HELZ2: variants seen among roughly 807,000 people sequenced by gnomAD.
The protein encoded by HELZ2 is 3'-5' exoribonuclease HELZ2.
A neutral mutation model predicts 208.8 loss-of-function variants in HELZ2; 143 were observed. That is an observed-to-expected ratio of 0.68 (90% CI 0.60 to 0.79). The LOEUF (loss-of-function observed/expected upper bound fraction) is 0.79, where lower values mean the gene tolerates loss of function less well. Ranked by LOEUF, HELZ2 falls within the 30% of genes least tolerant of loss-of-function variation. HELZ2 has a pLI of 0.00. For missense variants in HELZ2, 3,690 were observed against 3,794.5 expected (o/e 0.97, Z 0.72); for synonymous variants, 1,705 against 1,693.7 (o/e 1.01, Z -0.16).
chr20:63,566,159 G>A (rs1470986334), exon 8 of HELZ2: 32 of 1,553,846 alleles, frequency 2.1e-5, no homozygotes, highest in Non-Finnish European at 2.4e-5. Context: ...GAACTCAGGG[G>A]CCAGTGCCCC....
upstream of HELZ2, chr20:63,572,569 C>T (rs1461481954): frequency 2.3e-5 from 14 of 618,088 alleles, no homozygotes; most frequent in Non-Finnish European, 3.3e-5. Flanking sequence ...AGGCTCCGTG[C>T]TCAGGGCACT....
In HELZ2 at chr20:63,569,569, C is replaced by T. The variant is rs2082998486; in HGVS notation, c.667G>A (p.Gly223Ser). Residue 223 changes from glycine (G) to serine (S), a missense_variant, in exon 4 of 19, where the codon GGT becomes AGT. Transcript: ENST00000467148. ...GAGCTGGGCACACGGAAGCGCTCAC[C>T]CCGTGCGTAGAGCCGGCCTGGCGGG... 4 of 1,595,396 alleles carry T rather than the reference C, an allele frequency of 2.5e-6. No homozygotes were observed. In the African/African-American group the frequency reaches 5.4e-5, roughly 21 times the overall value.
chr20:63,565,749 G>T (rs1340110029), exon 8 of HELZ2: 1 of 1,602,634 alleles, frequency 6.2e-7, no homozygotes, highest in East Asian at 2.2e-5. Context: ...TCTCCTGCTG[G>T]TGCTGCCGCA....
chr20:63,568,957 C>G (rs2146021059), exon 5 of HELZ2: 2 of 1,605,184 alleles, frequency 1.2e-6, no homozygotes, highest in Non-Finnish European at 1.7e-6. Flanking sequence ...GCGCTGGCGT[C>G]TGCAATGCCG....
exon 6 of HELZ2, chr20:63,567,205 T>C (rs1407088430): frequency 6.2e-7 from 1 of 1,607,722 alleles, no homozygotes; most frequent in Non-Finnish European, 8.5e-7. Flanking sequence ...GAAGAGGCGG[T>C]GCAGCAGCGT....
chr20:63,562,328 G>A (rs1212493785), exon 9 of HELZ2: 2 of 1,598,210 alleles, frequency 1.3e-6, no homozygotes, highest in Non-Finnish European at 1.7e-6. Flanking sequence ...CCAGTGCGAT[G>A]CTGGTGACCA....
rs1295963748 is a variant in HELZ2 at position 63,565,928 on chromosome 20, C to A, written c.2894G>T (p.Gly965Val). ...GTTCCCCGCTGCCCCAGCCTGTGTGCCTCGGGGAGGCCAGCGCCGTCTCTG... is the reference window on the plus strand; with the variant it reads ...GTTCCCCGCTGCCCCAGCCTGTGTGACTCGGGGAGGCCAGCGCCGTCTCTG... Residue 965 changes from glycine (G) to valine (V), a missense_variant, in exon 8 of 19, where the codon GGC (glycine) becomes GTC (valine). Coordinates refer to ENST00000467148, the Ensembl canonical transcript of HELZ2. 1 of 1,598,544 alleles carries A rather than the reference C, an allele frequency of 6.3e-7. No homozygotes were observed. Among genetic ancestry groups the A allele is most frequent in the Admixed American group, 1.7e-5 (1 of 59,918 alleles).
At chr20:63,562,179 C>T (rs1298212006) in exon 10 of HELZ2, 8 of 1,611,912 alleles carry the variant, frequency 5.0e-6, no homozygotes, top group South Asian at 1.1e-5. Context: ...GTAGGTCTGC[C>T]GCTCCAGGAA....
chr20:63,565,136 G>A lies in HELZ2; in HGVS notation c.3686C>T (p.Ala1229Val), dbSNP rs1220633086. 2.5e-6 allele frequency: 4 copies of A among 1,581,700 alleles called. No homozygotes were observed. The highest frequency in any genetic ancestry group is 3.4e-6 in the Non-Finnish European group (4 of 1,164,104). ...GACCTGCGATGGGTCCTTCAGCTCG[G>A]CCACGAAGATCTTGGTCACGGAGCC... Residue 1229 changes from alanine to valine, a missense_variant, in exon 8 of 19, where the codon GCC becomes GTC. By Grantham distance (64) the Ala-to-Val change is moderately conservative. This residue lies in a region of HELZ2 where 2,564 missense variants were observed against 2,580.5 expected (regional missense o/e 0.99). Transcript: ENST00000467148.
intron 5 of HELZ2, 41 bp from the exon 7 acceptor site, chr20:63,567,668 C>A (rs749575808): frequency 3.8e-6 from 6 of 1,568,530 alleles, no homozygotes; most frequent in Non-Finnish European, 5.2e-6. Flanking sequence ...TTGCTGGGGG[C>A]CTCAGTGCTG....
exon 8 of HELZ2, chr20:63,565,404 C>T (rs2082940632): frequency 6.2e-7 from 1 of 1,610,782 alleles, no homozygotes; most frequent in East Asian, 2.2e-5. Context: ...GACGCCCGCT[C>T]GAAGGTCTCT....
At chr20:63,564,312 C>T (rs374058378) in exon 8 of HELZ2, 79 of 1,600,292 alleles carry the variant, frequency 4.9e-5, no homozygotes, top group Admixed American at 3.1e-4. Context: ...TAGAAGCAGT[C>T]GGACCGCAGG....
chr20:63,567,603 C>A lies in HELZ2; in HGVS notation c.1755G>T (p.Glu585Asp). 1.2e-6 allele frequency: 2 copies of A among 1,600,672 alleles called. No individual in the cohort carries two copies. Among genetic ancestry groups the A allele is most frequent in the Non-Finnish European group, 1.7e-6 (2 of 1,175,084 alleles). ...CGCCGCTGACGTGGCTGTGGAAATACTCCCGGATGTAGATGTCGGCGGCAC... is the reference window on the plus strand; with the variant it reads ...CGCCGCTGACGTGGCTGTGGAAATAATCCCGGATGTAGATGTCGGCGGCAC... Residue 585 changes from glutamate (E) to aspartate (D), a missense_variant, in exon 6 of 19, where the codon GAG (glutamate) becomes GAT (aspartate). Glu to Asp is a conservative substitution (Grantham distance 45). Around this residue, in one of 3 missense-constraint regions of HELZ2, gnomAD observed 1,119 missense variants for 1,193.4 expected, o/e 0.94. Transcript: ENST00000467148.
At chr20:63,569,048 GCTGCCAAGTC>G in intron 4 of HELZ2, 49 bp from the exon 6 acceptor site, 1 of 1,595,452 alleles carries the variant, frequency 6.3e-7, no homozygotes, top group Non-Finnish European at 8.5e-7. Context: ...TGCCAGCCCC[GCTGCCAAGTC>G]CACGCCCCCA....
At chr20:63,564,282 C>G in exon 8 of HELZ2, 4 of 1,609,382 alleles carry the variant, frequency 2.5e-6, no homozygotes, top group South Asian at 1.1e-5. Flanking sequence ...CCCAGGGTGC[C>G]GTCCTCGTCC....
exon 8 of HELZ2, chr20:63,564,611 A>G (rs1288993067): frequency 1.3e-6 from 2 of 1,568,536 alleles, no homozygotes; most frequent in South Asian, 1.2e-5. Context: ...CAGCATGGGC[A>G]CTGGCTCCCT....
At chr20:63,568,948 C>CTCT in exon 5 of HELZ2, 5 of 1,606,412 alleles carry the variant, frequency 3.1e-6, no homozygotes, top group Non-Finnish European at 4.2e-6. Context: ...GCATGTTCAG[C>CTCT]GCTGGCGTCT....
At position 63,567,553 on chromosome 20, in the gene HELZ2, C is replaced by CGGAGA. The variant is rs1463261440; in HGVS notation, c.1800_1804dup (p.Arg602LeufsTer4). 1 of 1,580,212 alleles carries CGGAGA rather than the reference C, an allele frequency of 6.3e-7. No individual in the cohort carries two copies. Among genetic ancestry groups the CGGAGA allele is most frequent in the East Asian group, 2.3e-5 (1 of 43,288 alleles). On this transcript the variant is annotated frameshift_variant, in exon 6 of 19. Coordinates refer to ENST00000467148, the Ensembl canonical transcript of HELZ2. LOFTEE classifies it high-confidence loss of function. Reference sequence around the variant, plus strand: ...CAGCGGCCGGTCCGTGTACATCACACGGAGAGGAGTGGCCTCGGGGTGGCC... The same window carrying CGGAGA: ...CAGCGGCCGGTCCGTGTACATCACACGGAGAGGAGAGGAGTGGCCTCGGGGTGGCC...
chr20:63,572,190 G>T (rs1238503300), exon 1 of HELZ2: 2 of 1,608,922 alleles, frequency 1.2e-6, no homozygotes, highest in Non-Finnish European at 1.7e-6. Flanking sequence ...GCCACCATCT[G>T]TGCGTGCTCC....
Sources: allele counts gnomAD v4.1 joint callset, GRCh38; gene constraint gnomAD v4.1.1; regional missense constraint gnomAD v4.1.1; transcripts MANE v1.5; gene names NCBI Gene and HGNC (gene_info 2026-07-23, HGNC 2026-07-21).